The following CDH10 variants were observed in gnomAD, a reference collection of about 807,000 sequenced individuals.
CDH10 encodes the protein cadherin-10.
In CDH10, 30 loss-of-function variants were observed where a neutral mutation model predicts 73.1. The ratio of observed to expected loss-of-function variants is 0.41; its 90% CI spans 0.31 to 0.56. CDH10 has a LOEUF of 0.56. Among genes scored for constraint, CDH10 ranks in the 20% least tolerant of loss-of-function variants. CDH10 has a pLI of 0.27. For synonymous variants in CDH10, 345 were observed against 348.2 expected (o/e 0.99, Z 0.10); for missense variants, 815 against 973.7 (o/e 0.84, Z 2.17).
chr5:24,632,315 AT>A lies in CDH10; in HGVS notation c.-124+12278del, dbSNP rs1382005630. Among the ~76,000 whole-genome samples the A allele has an allele frequency of 8.5e-5, 12 of 140,618 alleles. No homozygotes were observed. The East Asian group carries it at 2.6e-3, about 30-fold the overall frequency. 92.3% of individuals were successfully genotyped at this position (140,618 alleles called of 152,430 possible). A position where few individuals can be genotyped will look rare whatever the true frequency, so the allele number is the denominator to read the frequency against. On this transcript the variant is annotated intron_variant, in intron 1 of 11. Coordinates refer to ENST00000264463, the MANE Select transcript of CDH10 (RefSeq NM_006727.5). Reference sequence around the variant, plus strand: ...AGAAGGTTGCATGCAAATTTTAAACATTTCTATACTCTTATATACACCATTT... The same window carrying A: ...AGAAGGTTGCATGCAAATTTTAAACATTCTATACTCTTATATACACCATTT...
At chr5:24,493,263 A>G (rs1252194194) in intron 9 of CDH10, among the ~76,000 whole-genome samples, 2 of 151,968 alleles carry the variant, frequency 1.3e-5, no homozygotes, top group East Asian at 3.9e-4. Flanking sequence ...TGTCAGAAAA[A>G]TTTAGGAAAT....
intron 2 of CDH10, among the ~76,000 whole-genome samples, chr5:24,584,927 G>A (rs1745941245): frequency 6.6e-6 from 1 of 150,808 alleles, no homozygotes; most frequent in African/African-American, 2.4e-5. Flanking sequence ...GCTCACTGCA[G>A]CCTCAAACTC....
At chr5:24,635,277 C>A (rs1002932407) in intron 1 of CDH10, among the ~76,000 whole-genome samples, 1 of 151,856 alleles carries the variant, frequency 6.6e-6, no homozygotes, top group Admixed American at 6.6e-5. Context: ...CCTCTGTTCA[C>A]CATTCTTTTT....
At chr5:24,571,203 A>C (rs748413153) in intron 2 of CDH10, among the ~76,000 whole-genome samples, 9 of 152,284 alleles carry the variant, frequency 5.9e-5, no homozygotes, top group Non-Finnish European at 1.3e-4. Context: ...TAAATATATT[A>C]ATAATTCATA....
In CDH10 at chr5:24,488,053, A is replaced by T. The variant is rs747967376; in HGVS notation, c.1977T>A (p.Asp659Glu). 1 of 1,613,924 alleles carries T rather than the reference A, an allele frequency of 6.2e-7. No individual in the cohort carries two copies. The highest frequency in any genetic ancestry group is 8.5e-7 in the Non-Finnish European group (1 of 1,179,934). The change falls in exon 12 of 12, where the codon GAT becomes GAA. Residue 659 changes from aspartate to glutamate, a missense_variant. Physicochemically the swap from Asp to Glu is conservative, Grantham distance 45. Coordinates refer to ENST00000264463, the MANE Select transcript of CDH10 (RefSeq NM_006727.5). ...DIRDNIVSYNDEGGGEEDTQA... is the reference protein window; with the variant it reads ...DIRDNIVSYNEEGGGEEDTQA... ...GGGTGTCCTCCTCTCCACCACCCTC[A>T]TCGTTATAGCTCACAATGTTGTCTC...
chr5:24,562,985 C>T (rs1745015694), intron 2 of CDH10, among the ~76,000 whole-genome samples: 1 of 152,208 alleles, frequency 6.6e-6, no homozygotes, highest in Non-Finnish European at 1.5e-5. Flanking sequence ...TACCCGATCT[C>T]AAATCCTCTA....
Position 24,487,301 on chromosome 5 carries a change from CT to C in CDH10, c.*361del, listed in dbSNP as rs1561115128. The C allele has an allele frequency of 5.4e-6, 1 of 186,276 alleles. No homozygotes were observed. The highest frequency in any genetic ancestry group is 1.1e-5 in the Non-Finnish European group (1 of 88,402). The allele number at this position is 186,276 out of a possible 1,614,324, so 11.5% of individuals were successfully genotyped here. A position where few individuals can be genotyped will look rare whatever the true frequency, so the allele number is the denominator to read the frequency against. ...GATATACTGTAAAATTTTTCTTCAC[CT>C]TTTTAAAAGCTTCATTTGCAAGGGC... On this transcript the variant is annotated 3_prime_UTR_variant, in exon 12 of 12. Coordinates refer to ENST00000264463, the MANE Select transcript of CDH10 (RefSeq NM_006727.5).
At chr5:24,644,093 G>A (rs1472689629) in intron 1 of CDH10, among the ~76,000 whole-genome samples, 1 of 152,094 alleles carries the variant, frequency 6.6e-6, no homozygotes, top group Admixed American at 6.6e-5. Flanking sequence ...CAAGGAATCT[G>A]TCTTCTGCCT....
chr5:24,554,643 C>A (rs1185248283), intron 2 of CDH10, among the ~76,000 whole-genome samples: 2 of 152,006 alleles, frequency 1.3e-5, no homozygotes, highest in African/African-American at 4.8e-5. Context: ...TCCTTTTCTT[C>A]TAGTATCCAA....
chr5:24,603,884 C>T (rs1412125318), intron 1 of CDH10, among the ~76,000 whole-genome samples: 1 of 152,042 alleles, frequency 6.6e-6, no homozygotes, highest in African/African-American at 2.4e-5. Flanking sequence ...AAAAATAAAA[C>T]TGTGTCTATT....
At chr5:24,515,223 A>G (rs995789005) in intron 5 of CDH10, among the ~76,000 whole-genome samples, 6 of 152,230 alleles carry the variant, frequency 3.9e-5, no homozygotes, top group Admixed American at 3.9e-4. Flanking sequence ...ATAATTAAAA[A>G]TATACCAAAA....
chr5:24,516,690 T>A (rs1284785250), intron 5 of CDH10, among the ~76,000 whole-genome samples: 8 of 151,994 alleles, frequency 5.3e-5, no homozygotes, highest in African/African-American at 1.4e-4. Flanking sequence ...ATTGGATGAT[T>A]TTTTTAGGTT....
chr5:24,595,085 T>C (rs1327964272), intron 1 of CDH10, among the ~76,000 whole-genome samples: 1 of 151,826 alleles, frequency 6.6e-6, no homozygotes, highest in East Asian at 1.9e-4. Context: ...ACTTATAATA[T>C]TGTGAACATA....
intron 2 of CDH10, among the ~76,000 whole-genome samples, chr5:24,564,699 CCTTTT>C (rs1453205017): frequency 6.6e-6 from 1 of 152,180 alleles, no homozygotes; most frequent in Non-Finnish European, 1.5e-5. Context: ...TAATTTTCTT[CCTTTT>C]CTTATTTGCA....
At chr5:24,600,853 A>C (rs997957680) in intron 1 of CDH10, among the ~76,000 whole-genome samples, 15 of 152,194 alleles carry the variant, frequency 9.9e-5, no homozygotes, top group African/African-American at 3.6e-4. Context: ...TAAGTTCAAA[A>C]ACAGATTTAG....
intron 2 of CDH10, among the ~76,000 whole-genome samples, chr5:24,562,755 TG>T (rs1279289460): frequency 3.3e-5 from 5 of 152,098 alleles, no homozygotes; most frequent in Non-Finnish European, 7.4e-5. Context: ...TCCTAACCAC[TG>T]GGATTAGTAA....
intron 2 of CDH10, among the ~76,000 whole-genome samples, chr5:24,543,604 A>G (rs1482339086): frequency 6.6e-6 from 1 of 152,178 alleles, no homozygotes; most frequent in Admixed American, 6.6e-5. Context: ...TGGTGGTATC[A>G]TTAGTATTCT....
chr5:24,535,396 C>G (rs2111880523), intron 4 of CDH10, 117 bp from the exon 5 acceptor site: 7 of 930,964 alleles, frequency 7.5e-6, no homozygotes, highest in South Asian at 4.6e-5. Context: ...CGTTTTGATA[C>G]TCGTTTTTAT....
At chr5:24,532,945 G>T (rs1319117171) in intron 5 of CDH10, among the ~76,000 whole-genome samples, 1 of 151,924 alleles carries the variant, frequency 6.6e-6, no homozygotes, top group Non-Finnish European at 1.5e-5. Context: ...CATTCAATAT[G>T]AAATACAATT....
Sources: gnomAD v4.1 joint callset for allele counts (sites outside exome capture counted in the v4.1 genomes callset) on GRCh38, gnomAD v4.1.1 for gene constraint, MANE v1.5 for transcripts, NCBI Gene and HGNC (gene_info 2026-07-23, HGNC 2026-07-21) for gene names.